The following WT1 variants were observed in gnomAD, a reference collection of about 807,000 sequenced individuals.
WT1 encodes WT1 transcription factor, also known as Wilms tumor protein.
In WT1, 8 loss-of-function variants were observed where a neutral mutation model predicts 60.8. That is an observed-to-expected ratio of 0.13 (90% CI 0.08 to 0.24). WT1 has a LOEUF of 0.24. WT1 is among the 10% of genes least tolerant of loss of function. WT1 has a pLI of 1.00. For missense variants in WT1, 568 were observed against 711.8 expected (o/e 0.80, Z 2.30); for synonymous variants, 312 against 297.1 (o/e 1.05, Z -0.52).
chr11:32,399,968 C>G lies in WT1; in HGVS notation c.1093G>C (p.Gly365Arg), dbSNP rs1564975631. The change falls in exon 6 of 10, where the codon GGT (glycine) becomes CGT (arginine). Residue 365 changes from glycine (G) to arginine (R), a missense_variant. Transcript: ENST00000452863. Reference sequence around the variant, plus strand: ...CTCACCTGAATGCCTCTGAAGACACCGTGCGTGTGTATTCTGTATTGGGCT... The same window carrying G: ...CTCACCTGAATGCCTCTGAAGACACGGTGCGTGTGTATTCTGTATTGGGCT... 5 of 1,614,162 alleles carry G rather than the reference C, an allele frequency of 3.1e-6. No individual in the cohort carries two copies. In the East Asian group the frequency reaches 1.1e-4, roughly 36 times the overall value.
intron 9 of WT1, among the ~76,000 whole-genome samples, 163 bp from the exon 10 acceptor site, chr11:32,389,342 C>T (rs1297857132): frequency 1.3e-5 from 2 of 152,190 alleles, no homozygotes; most frequent in Non-Finnish European, 2.9e-5. Context: ...AGCCTTGAAA[C>T]AGCAGCACCT....
At chr11:32,392,423 T>A (rs574169738) in intron 8 of WT1, among the ~76,000 whole-genome samples, 17 of 152,312 alleles carry the variant, frequency 1.1e-4, no homozygotes, top group African/African-American at 4.1e-4. Flanking sequence ...CAGTGTATCA[T>A]CAGCCCACTG....
At chr11:32,431,034 C>T (rs1853290646) in intron 1 of WT1, among the ~76,000 whole-genome samples, 2 of 152,018 alleles carry the variant, frequency 1.3e-5, no homozygotes, top group Admixed American at 6.5e-5. Context: ...GCGCCTTTCC[C>T]ACGGTTAGTC....
intron 3 of WT1, among the ~76,000 whole-genome samples, chr11:32,420,168 G>A (rs1195052566): frequency 1.3e-5 from 2 of 152,194 alleles, no homozygotes; most frequent in African/African-American, 4.8e-5. Flanking sequence ...GCTATATTGA[G>A]TCAAATATGC....
At chr11:32,417,785 G>T in intron 3 of WT1, 131 bp from the exon 4 acceptor site, 1 of 766,398 alleles carries the variant, frequency 1.3e-6, no homozygotes, top group Non-Finnish European at 2.2e-6. Context: ...GACAGAATAT[G>T]CAAATCTGAA....
At chr11:32,418,998 C>T (rs1174204093) in intron 3 of WT1, among the ~76,000 whole-genome samples, 1 of 152,126 alleles carries the variant, frequency 6.6e-6, no homozygotes, top group Non-Finnish European at 1.5e-5. Context: ...TATCTGGACG[C>T]CGTCACTCAT....
intron 1 of WT1, chr11:32,430,824 C>T (rs1351856309): frequency 1.6e-6 from 2 of 1,282,984 alleles, no homozygotes; most frequent in Non-Finnish European, 2.0e-6. Context: ...GCCTGCGGAG[C>T]GGAGGGAGGT....
intron 7 of WT1, among the ~76,000 whole-genome samples, chr11:32,395,863 A>C (rs767635648): frequency 1.3e-5 from 2 of 151,834 alleles, no homozygotes; most frequent in Non-Finnish European, 2.9e-5. Context: ...TTTTCTTTGG[A>C]CCATCTCTTC....
intron 9 of WT1, among the ~76,000 whole-genome samples, chr11:32,389,675 C>A (rs1393039873): frequency 4.0e-5 from 6 of 150,908 alleles, no homozygotes; most frequent in Admixed American, 4.0e-4. Flanking sequence ...TGTGTAGATA[C>A]CCTGGATGGG....
intron 1 of WT1, 102 bp from the exon 2 acceptor site, chr11:32,428,721 C>T: frequency 6.6e-7 from 1 of 1,524,404 alleles, no homozygotes; most frequent in South Asian, 1.2e-5. Context: ...CGCTGAACCC[C>T]GCATTCGGAC....
chr11:32,432,351 T>C lies in WT1; in HGVS notation c.661+2349A>G, dbSNP rs900019828. ...ACAGCCCAAGTCTTGGGCCAGGCCC[T>C]GCATTCCTGGGGAAGCAGCAGGAAC... On this transcript the variant is annotated intron_variant, in intron 1 of 9. Coordinates refer to ENST00000452863, the MANE Select transcript of WT1 (RefSeq NM_024426.6). Among the ~76,000 whole-genome samples, 4 of 152,312 alleles carry C rather than the reference T, an allele frequency of 2.6e-5. No homozygotes were observed. The East Asian group carries it at 7.7e-4, about 29-fold the overall frequency.
intron 3 of WT1, among the ~76,000 whole-genome samples, chr11:32,426,586 C>T (rs990570548): frequency 6.6e-6 from 1 of 151,988 alleles, no homozygotes; most frequent in Non-Finnish European, 1.5e-5. Flanking sequence ...TGGGGAGGTG[C>T]GACCATTGGT....
chr11:32,400,405 A>C, intron 5 of WT1: 1 of 383,742 alleles, frequency 2.6e-6, no homozygotes, highest in Non-Finnish European at 5.0e-6. Context: ...AGGAATGAGC[A>C]GAATGCCTCA....
At chr11:32,429,620 C>T (rs1377428775) in intron 1 of WT1, among the ~76,000 whole-genome samples, 1 of 152,184 alleles carries the variant, frequency 6.6e-6, no homozygotes, top group Non-Finnish European at 1.5e-5. Context: ...GCTAAAGATA[C>T]GTCATTGGCC....
At chr11:32,416,570 G>A (rs1324748971) in intron 4 of WT1, 30 bp from the exon 5 acceptor site, 1 of 1,613,876 alleles carries the variant, frequency 6.2e-7, no homozygotes, top group Non-Finnish European at 8.5e-7. Context: ...GGGGAGTGGG[G>A]AATGGAGCAT....
intron 3 of WT1, among the ~76,000 whole-genome samples, chr11:32,421,481 T>A (rs1476595841): frequency 2.0e-5 from 3 of 152,248 alleles, no homozygotes; most frequent in African/African-American, 7.2e-5. Flanking sequence ...CTTTATATTT[T>A]TTAAGTAGAT....
chr11:32,424,148 G>T (rs1166929732), intron 3 of WT1, among the ~76,000 whole-genome samples: 1 of 124,284 alleles, frequency 8.0e-6, no homozygotes. Flanking sequence ...GCAACAGAGC[G>T]AGATGCCATC....
At chr11:32,415,944 T>C (rs1489784408) in intron 5 of WT1, among the ~76,000 whole-genome samples, 1 of 152,070 alleles carries the variant, frequency 6.6e-6, no homozygotes, top group East Asian at 1.9e-4. Context: ...GTTGTGGAGT[T>C]AAAGCAGAGA....
At chr11:32,398,665 C>T (rs1564974567) in intron 6 of WT1, among the ~76,000 whole-genome samples, 1 of 152,060 alleles carries the variant, frequency 6.6e-6, no homozygotes, top group Admixed American at 6.6e-5. Flanking sequence ...TGACATTATT[C>T]ATCACCTCTG....
Sources: allele counts gnomAD v4.1 joint callset (sites outside exome capture counted in the v4.1 genomes callset), GRCh38; gene constraint gnomAD v4.1.1; transcripts MANE v1.5; gene names NCBI Gene and HGNC (gene_info 2026-07-23, HGNC 2026-07-21).